TMEM269: variants seen among roughly 807,000 people sequenced by gnomAD.
The protein encoded by TMEM269 is transmembrane protein 269.
TMEM269 carries 12 observed loss-of-function variants against 15.8 expected under a neutral mutation model. The observed-to-expected ratio is 0.76, with a 90% confidence interval of 0.49 to 1.23. The LOEUF is 1.23. Ranked by LOEUF, TMEM269 falls within the 50% of genes most tolerant of loss-of-function variation. TMEM269 has a pLI of 0.00. For missense variants in TMEM269, 211 were observed against 245.4 expected (o/e 0.86, Z 0.94); for synonymous variants, 93 against 99.3 (o/e 0.94, Z 0.38).
chr1:42,793,736 A>G lies in TMEM269; in HGVS notation c.275A>G (p.Tyr92Cys). Reference sequence around the variant, plus strand: ...GCTGCTTCTTTCCACTTGTGCTTTTATTCACCTGGTGAGTGGAACCAAGGT... The same window carrying G: ...GCTGCTTCTTTCCACTTGTGCTTTTGTTCACCTGGTGAGTGGAACCAAGGT... ...VSAASFHLCF[Y>C]SPGVPSTYKG... The change falls in exon 4 of 6, where the codon TAT becomes TGT. Residue 92 changes from tyrosine (Y) to cysteine (C), a missense_variant. Tyr to Cys is a radical substitution (Grantham distance 194). Coordinates refer to ENST00000637012, the MANE Select transcript of TMEM269 (RefSeq NM_001354602.2). 1 of 1,550,172 alleles carries G rather than the reference A, an allele frequency of 6.5e-7. No homozygotes were observed. The highest frequency in any genetic ancestry group is 1.2e-5 in the South Asian group (1 of 84,014).
chr1:42,793,683 T>A lies in TMEM269; in HGVS notation c.222T>A (p.Ser74Arg). Residue 74 changes from serine (S) to arginine (R), a missense_variant, in exon 4 of 6, where the codon AGT becomes AGA. Transcript: ENST00000637012. ...TCCTAGGCGTGGATGGACTTCTGAG[T>A]GGGATCCTGGCCATCATCTATGTGT... is the stretch of plus-strand genomic sequence containing the variant. ...ALLLGVDGLL[S>R]GILAIIYVSA... 1 of 1,550,578 alleles carries A rather than the reference T, an allele frequency of 6.4e-7. No individual in the cohort carries two copies. The highest frequency in any genetic ancestry group is 8.7e-7 in the Non-Finnish European group (1 of 1,146,980).
chr1:42,794,981 C>A (rs1196723664), intron 5 of TMEM269, among the ~76,000 whole-genome samples: 2 of 152,148 alleles, frequency 1.3e-5, no homozygotes, highest in East Asian at 3.8e-4. Context: ...GCCTCTGAAT[C>A]TAGAGGCTGA....
intron 1 of TMEM269, among the ~76,000 whole-genome samples, chr1:42,786,999 C>T (rs1407856865): frequency 6.6e-6 from 1 of 152,186 alleles, no homozygotes; most frequent in Admixed American, 6.5e-5. Flanking sequence ...ACCTCAGTTT[C>T]CCCATCTGTA....
Position 42,797,841 on chromosome 1 carries a change from A to T in TMEM269, c.485-257A>T. ...GTTTTCCCTAACAAAGGCAATTCAG[A>T]TTTATTATTGGCTGGAACTTCTGAT... On this transcript the variant is annotated intron_variant, in intron 5 of 5. Transcript: ENST00000637012. This position sits in a 1 kb window ranked among gnomAD's most constrained non-coding sequence, Gnocchi z 4.9. The T allele has an allele frequency of 1.6e-6, 1 of 630,616 alleles. No individual in the cohort carries two copies. The highest frequency in any genetic ancestry group is 1.5e-5 in the South Asian group (1 of 65,984). 39.1% of individuals were successfully genotyped at this position (630,616 alleles called of 1,614,324 possible).
At position 42,798,838 on chromosome 1, in the gene TMEM269, G is replaced by GA. The variant is rs2124227399; in HGVS notation, c.*614dup. The GA allele has an allele frequency of 1.4e-5, 2 of 143,378 alleles. No individual in the cohort carries two copies. The highest frequency in any genetic ancestry group is 4.6e-4 in the South Asian group (2 of 4,374). 8.9% of individuals were successfully genotyped at this position (143,378 alleles called of 1,614,324 possible). A position where few individuals can be genotyped will look rare whatever the true frequency, so the allele number is the denominator to read the frequency against. ...GCTCACTGCAGGCTCCGCCCCCCGG[G>GA]ATTCACGCCATTCTCCTGCCTCAGC... On this transcript the variant is annotated 3_prime_UTR_variant, in exon 6 of 6. Transcript: ENST00000637012.
chr1:42,795,657 C>T (rs1355970181), intron 5 of TMEM269, among the ~76,000 whole-genome samples: 2 of 152,196 alleles, frequency 1.3e-5, no homozygotes, highest in African/African-American at 4.8e-5. Context: ...GCTCCAGGCC[C>T]TGAGTTCCTG....
intron 3 of TMEM269, 127 bp downstream of exon 3, chr1:42,793,029 G>GAGC (rs746071943): frequency 2.3e-5 from 17 of 748,586 alleles, no homozygotes; most frequent in Admixed American, 4.2e-5. Context: ...ACCCCGCTGA[G>GAGC]AGCAGCAGCA....
At chr1:42,790,518 G>A (rs1443405960) in intron 2 of TMEM269, among the ~76,000 whole-genome samples, 1 of 151,598 alleles carries the variant, frequency 6.6e-6, no homozygotes, top group Non-Finnish European at 1.5e-5. Context: ...GGAAATTTTT[G>A]TGATTCTCTA....
Position 42,793,721 on chromosome 1 carries a change from T to C in TMEM269, c.260T>C (p.Phe87Ser). The C allele has an allele frequency of 1.3e-6, 2 of 1,550,514 alleles. No individual in the cohort carries two copies. Among genetic ancestry groups the C allele is most frequent in the Admixed American group, 2.0e-5 (1 of 50,982 alleles). The change falls in exon 4 of 6, where the codon TTC becomes TCC. Residue 87 changes from phenylalanine to serine, a missense_variant. By Grantham distance (155) the Phe-to-Ser change is radical. Transcript: ENST00000637012. ...ATCATCTATGTGTCAGCTGCTTCTT[T>C]CCACTTGTGCTTTTATTCACCTGGT... ...LAIIYVSAASFHLCFYSPGVP... is the reference protein window; with the variant it reads ...LAIIYVSAASSHLCFYSPGVP...
Position 42,789,752 on chromosome 1 carries a change from T to C in TMEM269, c.-98-44T>C, listed in dbSNP as rs1406168224. ...GGTCCCTGGGAGCCTCTTCTGGGACTCCTTAACCTTGGGAACCCTTCGCCC... is the reference window on the plus strand; with the variant it reads ...GGTCCCTGGGAGCCTCTTCTGGGACCCCTTAACCTTGGGAACCCTTCGCCC... On this transcript the variant is annotated intron_variant, in intron 1 of 5. Transcript: ENST00000637012. 3.6e-6 allele frequency: 4 copies of C among 1,105,192 alleles called. No individual in the cohort carries two copies. In the South Asian group the frequency reaches 5.3e-5, roughly 15 times the overall value. The allele number at this position is 1,105,192 out of a possible 1,614,324, so 68.5% of individuals were successfully genotyped here. A position where few individuals can be genotyped will look rare whatever the true frequency, so the allele number is the denominator to read the frequency against.
rs1437674174 is a variant in TMEM269, at chr1:42,800,512, A to C, written c.*2287A>C. 3.9e-5 allele frequency: 6 copies of C among 152,150 alleles called. No individual in the cohort carries two copies. The highest frequency in any genetic ancestry group is 8.8e-5 in the Non-Finnish European group (6 of 68,010). 9.4% of individuals were successfully genotyped at this position (152,150 alleles called of 1,614,324 possible). ...GGCAGTTCTCTTTGTCCTAAGCTTG[A>C]GAGAGAGTGTAGATTTCCCTCCTGG... On this transcript the variant is annotated 3_prime_UTR_variant, in exon 6 of 6. Coordinates refer to ENST00000637012, the MANE Select transcript of TMEM269 (RefSeq NM_001354602.2).
chr1:42,797,059 T>G lies in TMEM269; in HGVS notation c.485-1039T>G, dbSNP rs540386679. 6.6e-6 allele frequency among the ~76,000 whole-genome samples: 1 copy of G among 152,238 alleles called. No homozygotes were observed. The highest frequency in any genetic ancestry group is 6.5e-5 in the Admixed American group (1 of 15,280). On this transcript the variant is annotated intron_variant, in intron 5 of 5. Coordinates refer to ENST00000637012, the MANE Select transcript of TMEM269 (RefSeq NM_001354602.2). This position sits in a 1 kb window ranked among gnomAD's most constrained non-coding sequence, Gnocchi z 4.9. ...ACTTAGTTCTAAACCACGGGATTAT[T>G]GTGAAGTGTAAATGAAAAAAATGTA...
In TMEM269 at chr1:42,798,411, C is replaced by G. The variant is rs1376985926; in HGVS notation, c.*186C>G. 1.4e-6 allele frequency: 1 copy of G among 704,778 alleles called. No homozygotes were observed. Among genetic ancestry groups the G allele is most frequent in the Non-Finnish European group, 2.3e-6 (1 of 436,440 alleles). The allele number at this position is 704,778 out of a possible 1,614,324, so 43.7% of individuals were successfully genotyped here. On this transcript the variant is annotated 3_prime_UTR_variant, in exon 6 of 6. Transcript: ENST00000637012. ...TGAACTTCACTTCTTTGTCTTTATT[C>G]AGGGTTCTGACTCCCTTGCGGACAA...
At chr1:42,795,871 G>C (rs1213022445) in intron 5 of TMEM269, among the ~76,000 whole-genome samples, 1 of 152,144 alleles carries the variant, frequency 6.6e-6, no homozygotes, top group Non-Finnish European at 1.5e-5. Context: ...TTTCCCTTAA[G>C]GTTTATACCT....
At chr1:42,793,794 C>A in intron 4 of TMEM269, 50 bp downstream of exon 4, 1 of 1,521,304 alleles carries the variant, frequency 6.6e-7, no homozygotes, top group Non-Finnish European at 8.8e-7. Context: ...GAGCACAGAA[C>A]GGGGGGCTGT....
chr1:42,790,819 C>T (rs767335826), intron 2 of TMEM269, among the ~76,000 whole-genome samples: 6 of 152,026 alleles, frequency 3.9e-5, no homozygotes, highest in Non-Finnish European at 8.8e-5. Flanking sequence ...TAACTTCAGT[C>T]CCCTTTAGAT....
In TMEM269 at chr1:42,798,662, G is replaced by C. The variant is rs1009069921; in HGVS notation, c.*437G>C. On this transcript the variant is annotated 3_prime_UTR_variant, in exon 6 of 6. Transcript: ENST00000637012. Reference sequence around the variant, plus strand: ...CTTGCAGACTCTGGCTCTGAGAGTAGAGCCAATCACAGGACTCTCTTGTTG... The same window carrying C: ...CTTGCAGACTCTGGCTCTGAGAGTACAGCCAATCACAGGACTCTCTTGTTG... 2 of 157,654 alleles carry C rather than the reference G, an allele frequency of 1.3e-5. No individual in the cohort carries two copies. Among genetic ancestry groups the C allele is most frequent in the Admixed American group, 6.1e-5 (1 of 16,460 alleles). 9.8% of individuals were successfully genotyped at this position (157,654 alleles called of 1,614,324 possible).
Position 42,788,300 on chromosome 1 carries a change from G to T in TMEM269, c.-98-1496G>T, listed in dbSNP as rs981196672. 6.6e-6 allele frequency among the ~76,000 whole-genome samples: 1 copy of T among 152,158 alleles called. No individual in the cohort carries two copies. The highest frequency in any genetic ancestry group is 6.5e-5 in the Admixed American group (1 of 15,272). The stretch of plus-strand genomic sequence containing the variant: ...AATCCTCACATCTGAAATGGGTGAG[G>T]ATTAAATGAGAAAACAGATCTGGGA... On this transcript the variant is annotated intron_variant, in intron 1 of 5. Coordinates refer to ENST00000637012, the MANE Select transcript of TMEM269 (RefSeq NM_001354602.2). The surrounding 1 kb of genome is among the most constrained non-coding windows in gnomAD (Gnocchi z 4.0).
intron 1 of TMEM269, among the ~76,000 whole-genome samples, chr1:42,787,010 AG>A (rs1178697845): frequency 2.0e-5 from 3 of 152,170 alleles, no homozygotes; most frequent in African/African-American, 7.2e-5. Context: ...CCCATCTGTA[AG>A]ATAAGGTACC....
Sources: allele counts gnomAD v4.1 joint callset (sites outside exome capture counted in the v4.1 genomes callset), GRCh38; gene constraint gnomAD v4.1.1; non-coding constraint Gnocchi (gnomAD v3.1); transcripts MANE v1.5; gene names NCBI Gene and HGNC (gene_info 2026-07-23, HGNC 2026-07-21).